Variants in CTDSPL observed in about 807,000 individuals in gnomAD.
CTDSPL encodes CTD small phosphatase-like protein.
CTDSPL carries 8 observed loss-of-function variants against 30.5 expected under a neutral mutation model. The observed-to-expected ratio is 0.26, with a 90% CI of 0.15 to 0.47. The LOEUF (loss-of-function observed/expected upper bound fraction) is 0.47, where lower values mean the gene tolerates loss of function less well. Among genes scored for constraint, CTDSPL ranks in the 20% least tolerant of loss-of-function variants. The pLI is 0.99. For synonymous variants in CTDSPL, 110 were observed against 137.9 expected, an observed-to-expected ratio of 0.80 and a Z score of 1.42; for missense variants, 248 against 366.1, an observed-to-expected ratio of 0.68 and a Z score of 2.63.
chr3:37,885,002 G>A (rs990670711), intron 1 of CTDSPL, among the ~76,000 whole-genome samples: 3 of 152,106 alleles, frequency 2.0e-5, no homozygotes, highest in African/African-American at 4.8e-5. Context: ...CTATAAGCCC[G>A]CATTTTTAGG....
At chr3:37,946,438 T>C (rs967778364) in intron 1 of CTDSPL, among the ~76,000 whole-genome samples, 1 of 152,204 alleles carries the variant, frequency 6.6e-6, no homozygotes, top group African/African-American at 2.4e-5. Context: ...TTTTTAAGTG[T>C]AAAGGAAGCC....
chr3:37,979,853 T>TG (rs551938370), intron 7 of CTDSPL, among the ~76,000 whole-genome samples: 343 of 152,338 alleles, frequency 2.3e-3, no homozygotes, highest in African/African-American at 8.1e-3. Context: ...TTTTTCTTAA[T>TG]GGTTTAATTG....
chr3:37,897,928 T>C (rs990028221), intron 1 of CTDSPL, among the ~76,000 whole-genome samples: 15 of 152,164 alleles, frequency 9.9e-5, no homozygotes, highest in African/African-American at 3.6e-4. Flanking sequence ...ATTTTTGGAG[T>C]GCCGGTTATA....
intron 1 of CTDSPL, among the ~76,000 whole-genome samples, chr3:37,929,984 G>A (rs995154248): frequency 6.6e-6 from 1 of 152,040 alleles, no homozygotes; most frequent in Non-Finnish European, 1.5e-5. Flanking sequence ...GGTGCGTCCT[G>A]TAATCCCAGC....
chr3:37,940,343 A>G (rs1011935705), intron 1 of CTDSPL, among the ~76,000 whole-genome samples: 3 of 150,454 alleles, frequency 2.0e-5, no homozygotes, highest in Non-Finnish European at 4.5e-5. Context: ...AATCCTTTCC[A>G]TTTCAAATCA....
chr3:37,900,743 C>A (rs1698439552), intron 1 of CTDSPL, among the ~76,000 whole-genome samples: 1 of 152,018 alleles, frequency 6.6e-6, no homozygotes, highest in Non-Finnish European at 1.5e-5. Context: ...TTTAAGGTAC[C>A]ATGAGAATTT....
At chr3:37,870,355 T>C (rs1359895643) in intron 1 of CTDSPL, among the ~76,000 whole-genome samples, 1 of 152,152 alleles carries the variant, frequency 6.6e-6, no homozygotes, top group African/African-American at 2.4e-5. Context: ...GAGCTATTCA[T>C]AGCATTTTTC....
At chr3:37,920,896 C>A (rs1052835422) in intron 1 of CTDSPL, among the ~76,000 whole-genome samples, 13 of 152,226 alleles carry the variant, frequency 8.5e-5, no homozygotes, top group Non-Finnish European at 1.8e-4. Context: ...TCCCTGCTCT[C>A]AAACCACCTG....
chr3:37,909,756 C>G (rs1278427455), intron 1 of CTDSPL, among the ~76,000 whole-genome samples: 1 of 152,230 alleles, frequency 6.6e-6, no homozygotes, highest in South Asian at 2.1e-4. Flanking sequence ...ACCTTGAGCT[C>G]TGGGCCATAA....
In CTDSPL at chr3:37,980,924, C is replaced by T; in HGVS notation, c.*57C>T. The stretch of plus-strand genomic sequence containing the variant: ...CTCTGGAACCTCTGGCCTCAGGGGA[C>T]CTGCCTGTCCTCAGCTCCCTGGGAG... On this transcript the variant is annotated 3_prime_UTR_variant, in exon 8 of 8. Transcript: ENST00000273179. 1.3e-6 allele frequency: 2 copies of T among 1,564,866 alleles called. No homozygotes were observed. Among genetic ancestry groups the T allele is most frequent in the Non-Finnish European group, 1.7e-6 (2 of 1,147,964 alleles).
chr3:37,902,967 T>C (rs1698469102), intron 1 of CTDSPL, among the ~76,000 whole-genome samples: 2 of 152,310 alleles, frequency 1.3e-5, no homozygotes, highest in East Asian at 1.9e-4. Context: ...TGAGCTGTGC[T>C]CCAAGAAACA....
chr3:37,926,423 T>C (rs149045960), intron 1 of CTDSPL, among the ~76,000 whole-genome samples: 66 of 152,348 alleles, frequency 4.3e-4, no homozygotes, highest in African/African-American at 1.5e-3. Flanking sequence ...AAATTACTTA[T>C]TAAGGAATTA....
At position 37,896,176 on chromosome 3, in the gene CTDSPL, C is replaced by T. The variant is rs576256568; in HGVS notation, c.79+33898C>T. Among the ~76,000 whole-genome samples the T allele has an allele frequency of 1.5e-4, 23 of 152,248 alleles. No individual in the cohort carries two copies. The East Asian group carries it at 3.9e-3, about 26-fold the overall frequency. On this transcript the variant is annotated intron_variant, in intron 1 of 7. Coordinates refer to ENST00000273179, the MANE Select transcript of CTDSPL (RefSeq NM_001008392.2). The stretch of plus-strand genomic sequence containing the variant: ...TGCCTTCTGGAAACTTGCAGCCTAA[C>T]GAAGGATATGATACAAACATACAAA...
chr3:37,959,800 CT>C (rs1271541588), intron 3 of CTDSPL, among the ~76,000 whole-genome samples: 1 of 152,182 alleles, frequency 6.6e-6, no homozygotes, highest in Non-Finnish European at 1.5e-5. Flanking sequence ...CCAAATTATC[CT>C]CCAAAAGCTT....
chr3:37,970,367 G>A (rs1699352992), intron 5 of CTDSPL, among the ~76,000 whole-genome samples: 2 of 152,190 alleles, frequency 1.3e-5, no homozygotes, highest in African/African-American at 4.8e-5. Flanking sequence ...CTGTTCTAGA[G>A]TATGAGCTCT....
chr3:37,941,558 T>G (rs1195969736), intron 1 of CTDSPL, among the ~76,000 whole-genome samples: 1 of 149,482 alleles, frequency 6.7e-6, no homozygotes, highest in East Asian at 2.0e-4. Flanking sequence ...CTCCGCTAAT[T>G]TTTGTATTCT....
Position 37,975,961 on chromosome 3 carries a change from C to T in CTDSPL, c.705+67C>T, listed in dbSNP as rs116398073. 1.5e-4 allele frequency: 223 copies of T among 1,501,918 alleles called. No individual in the cohort carries two copies. The African/African-American group carries it at 2.8e-3, about 19-fold the overall frequency. The allele number at this position is 1,501,918 out of a possible 1,614,324, so 93.0% of individuals were successfully genotyped here. ...GCCCTCTGTCTTGCCAGGCAGGTAC[C>T]ACTTTTGAGCACCTACACAAGAAGG... On this transcript the variant is annotated intron_variant, in intron 7 of 7. Transcript: ENST00000273179. The surrounding 1 kb of genome is among the most constrained non-coding windows in gnomAD (Gnocchi z 4.9).
chr3:37,958,210 T>C (rs1272543253), intron 3 of CTDSPL, among the ~76,000 whole-genome samples: 1 of 152,218 alleles, frequency 6.6e-6, no homozygotes, highest in East Asian at 1.9e-4. Context: ...AAGTTTACAG[T>C]AATTTCATTT....
chr3:37,926,888 C>G (rs1420664060), intron 1 of CTDSPL, among the ~76,000 whole-genome samples: 1 of 152,190 alleles, frequency 6.6e-6, no homozygotes, highest in Admixed American at 6.5e-5. Flanking sequence ...GGACGATGAT[C>G]ATAATGACAG....
Sources: allele counts gnomAD v4.1 joint callset (sites outside exome capture counted in the v4.1 genomes callset), GRCh38; gene constraint gnomAD v4.1.1; non-coding constraint Gnocchi (gnomAD v3.1); transcripts MANE v1.5; gene names NCBI Gene and HGNC (gene_info 2026-07-23, HGNC 2026-07-21).